The following NLRC4 variants were observed in gnomAD, a reference collection of about 807,000 sequenced individuals.
NLRC4 encodes NLR family CARD domain-containing protein 4.
In NLRC4, 63 loss-of-function variants were observed where a neutral mutation model predicts 79.9. That is an observed-to-expected ratio of 0.79 (90% CI 0.64 to 0.97). The LOEUF (loss-of-function observed/expected upper bound fraction) is 0.97, where lower values mean the gene tolerates loss of function less well. Ranked by LOEUF, NLRC4 falls within the 50% of genes least tolerant of loss-of-function variation. The pLI is 0.00. For synonymous variants in NLRC4, 461 were observed against 456.5 expected, an observed-to-expected ratio of 1.01 and a Z score of -0.12; for missense variants, 1,074 against 1,215.2, an observed-to-expected ratio of 0.88 and a Z score of 1.73.
At chr2:32,259,005 G>A (rs1487059279) in intron 1 of NLRC4, among the ~76,000 whole-genome samples, 3 of 152,128 alleles carry the variant, frequency 2.0e-5, no homozygotes, top group African/African-American at 4.8e-5. Context: ...AAACAAAATG[G>A]GAGCTATGTG....
chr2:32,251,650 C>G (rs1279157520), intron 3 of NLRC4, 49 bp from the exon 4 acceptor site: 9 of 1,293,280 alleles, frequency 7.0e-6, no homozygotes, highest in African/African-American at 3.0e-5. Flanking sequence ...TGTGTCTCCT[C>G]AAAACCTAGA....
intron 8 of NLRC4, 66 bp from the exon 9 acceptor site, chr2:32,224,831 T>A (rs1415546381): frequency 3.3e-6 from 3 of 918,120 alleles, no homozygotes; most frequent in Non-Finnish European, 3.2e-6. Context: ...AGAAATAGGT[T>A]CTACATTTAT....
intron 7 of NLRC4, 146 bp downstream of exon 7, chr2:32,236,101 T>C (rs1470220563): frequency 9.3e-6 from 5 of 539,604 alleles, no homozygotes; most frequent in Non-Finnish European, 1.6e-5. Flanking sequence ...AAGGGCAGTT[T>C]AAGAAAGGCC....
chr2:32,239,218 T>G (rs1188334909), intron 5 of NLRC4, among the ~76,000 whole-genome samples: 1 of 152,012 alleles, frequency 6.6e-6, no homozygotes, highest in Admixed American at 6.6e-5. Flanking sequence ...GAGGCAGAGG[T>G]TGCAGTGAGC....
At position 32,238,118 on chromosome 2, in the gene NLRC4, G is replaced by A; in HGVS notation, c.2521+14C>T. The A allele has an allele frequency of 6.2e-7, 1 of 1,607,016 alleles. No homozygotes were observed. The highest frequency in any genetic ancestry group is 8.5e-7 in the Non-Finnish European group (1 of 1,175,140). On this transcript the variant is annotated intron_variant, in intron 6 of 8. Transcript: ENST00000402280. ...TTATACTGTCCTCATTCAGTTAATG[G>A]AAGCAACAGTTACCTAGGATTTTCA...
intron 2 of NLRC4, among the ~76,000 whole-genome samples, chr2:32,254,098 A>G (rs1687149627): frequency 6.6e-6 from 1 of 151,926 alleles, no homozygotes; most frequent in Admixed American, 6.6e-5. Context: ...GGCCTATTTC[A>G]AGCTAACAGC....
chr2:32,225,372 C>A (rs1388977797), intron 8 of NLRC4, among the ~76,000 whole-genome samples: 1 of 149,720 alleles, frequency 6.7e-6, no homozygotes, highest in African/African-American at 2.5e-5. Flanking sequence ...CTTTCTGATA[C>A]ACAAAGAATG....
rs1558447050 is a variant in NLRC4, at chr2:32,233,188, GGAAGGA to G, written c.2782+2207_2782+2212del. On this transcript the variant is annotated intron_variant, in intron 8 of 8. Coordinates refer to ENST00000402280, the MANE Select transcript of NLRC4 (RefSeq NM_001199138.2). The stretch of plus-strand genomic sequence containing the variant: ...AGGAAGGAAGGAAGGAAGGAAGGAA[GGAAGGA>G]AGGGAGGGAGGGAAAGGAAGAAGGA... Among the ~76,000 whole-genome samples the G allele has an allele frequency of 1.4e-3, 124 of 90,964 alleles. 2 individuals carry two copies. Among genetic ancestry groups the G allele is most frequent in the Middle Eastern group, 4.7e-3 (1 of 214 alleles). The allele number at this position is 90,964 out of a possible 152,430, so 59.7% of individuals were successfully genotyped here.
Position 32,250,383 on chromosome 2 carries a change from G to C in NLRC4, c.1481C>G (p.Thr494Ser), listed in dbSNP as rs748922128. 11 of 1,614,190 alleles carry C rather than the reference G, an allele frequency of 6.8e-6. No individual in the cohort carries two copies. Among genetic ancestry groups the C allele is most frequent in the Non-Finnish European group, 9.3e-6 (11 of 1,180,032 alleles). The change falls in exon 4 of 9, where the codon ACC becomes AGC. Residue 494 changes from threonine to serine, a missense_variant. By Grantham distance (58) the Thr-to-Ser change is moderately conservative. Transcript: ENST00000402280. The surrounding 1 kb of genome is among the most constrained non-coding windows in gnomAD (Gnocchi z 4.9). ...TSTYSSLLRY[T>S]CGSSVEATRA... ...GGTGGCTTCCACAGATGACCCACAG[G>C]TGTACCGGAGCAGGCTGCTATAAGT... is the stretch of plus-strand genomic sequence containing the variant.
chr2:32,234,225 C>CA (rs999431770), intron 8 of NLRC4, among the ~76,000 whole-genome samples: 106 of 145,066 alleles, frequency 7.3e-4, no homozygotes, highest in African/African-American at 1.5e-3. Flanking sequence ...ACTAAAAATA[C>CA]AAAAAAAAAA....
In NLRC4 at chr2:32,251,593, G is replaced by C. The variant is rs1233211061; in HGVS notation, c.271C>G (p.His91Asp). 1.3e-6 allele frequency: 2 copies of C among 1,588,600 alleles called. No individual in the cohort carries two copies. The change falls in exon 4 of 9, where the codon CAT becomes GAT. Residue 91 changes from histidine (H) to aspartate (D), a missense_variant. Physicochemically the swap from His to Asp is moderately conservative, Grantham distance 81. Transcript: ENST00000402280. ...FQDLNGQSLF[H>D]QTSEGDLDDL... The stretch of plus-strand genomic sequence containing the variant: ...TCCAAGTCTCCTTCTGATGTCTGAT[G>C]AAAAAGACCTATTAGAGAAGAGGTG...
At chr2:32,258,291 C>G (rs1466917043) in intron 1 of NLRC4, among the ~76,000 whole-genome samples, 1 of 152,130 alleles carries the variant, frequency 6.6e-6, no homozygotes, top group Non-Finnish European at 1.5e-5. Context: ...CTTGTATGTT[C>G]TTCCGCCGAT....
intron 8 of NLRC4, among the ~76,000 whole-genome samples, chr2:32,233,494 T>C (rs1686602803): frequency 6.6e-6 from 1 of 151,666 alleles, no homozygotes; most frequent in Non-Finnish European, 1.5e-5. Flanking sequence ...ACCCAGCCTA[T>C]TTCAAGAAAT....
At position 32,224,486 on chromosome 2, in the gene NLRC4, A is replaced by G; in HGVS notation, c.3062T>C (p.Leu1021Pro). Residue 1021 changes from leucine to proline, a missense_variant, in exon 9 of 9, where the codon CTA becomes CCA. Leu to Pro is a moderately conservative substitution (Grantham distance 98). Coordinates refer to ENST00000402280, the MANE Select transcript of NLRC4 (RefSeq NM_001199138.2). The part of the protein sequence containing the change: ...DLSVITGAFK[L>P]VTA ...AGTACACTTTATTTAAGCAGTTACTAGTTTAAAAGCACCTGTAATAACACT... is the reference window on the plus strand; with the variant it reads ...AGTACACTTTATTTAAGCAGTTACTGGTTTAAAAGCACCTGTAATAACACT... 1 of 1,601,840 alleles carries G rather than the reference A, an allele frequency of 6.2e-7. No homozygotes were observed. Among genetic ancestry groups the G allele is most frequent in the East Asian group, 2.2e-5 (1 of 44,574 alleles).
chr2:32,243,458 A>G (rs1364693874), intron 4 of NLRC4, among the ~76,000 whole-genome samples: 1 of 152,086 alleles, frequency 6.6e-6, no homozygotes, highest in African/African-American at 2.4e-5. Context: ...ATTCATGAAT[A>G]CAGAATCAAA....
chr2:32,255,571 C>T (rs978222225), intron 2 of NLRC4, among the ~76,000 whole-genome samples: 4 of 151,132 alleles, frequency 2.6e-5, no homozygotes, highest in Admixed American at 1.3e-4. Flanking sequence ...GCTTAGAGAC[C>T]CACACACACA....
At chr2:32,230,559 C>T (rs1686510092) in intron 8 of NLRC4, among the ~76,000 whole-genome samples, 2 of 151,772 alleles carry the variant, frequency 1.3e-5, no homozygotes, top group South Asian at 4.2e-4. Context: ...GCAGCCTCCA[C>T]CTTCTCGGTT....
intron 4 of NLRC4, among the ~76,000 whole-genome samples, chr2:32,241,353 CAG>C (rs1459950434): frequency 7.0e-6 from 1 of 142,274 alleles, no homozygotes; most frequent in Non-Finnish European, 1.5e-5. Context: ...TCCCAGATAA[CAG>C]GGAAAAAAAT....
Position 32,259,262 on chromosome 2 carries a change from A to ATTTTTTTTTTTTTTTTTT in NLRC4, c.-118-2387_-118-2370dup, listed in dbSNP as rs57570626. On this transcript the variant is annotated intron_variant, in intron 1 of 8. Coordinates refer to ENST00000402280, the MANE Select transcript of NLRC4 (RefSeq NM_001199138.2). ...AGGTGTGTGCCACCATGCCTGGCTA[A>ATTTTTTTTTTTTTTTTTT]TTTTTTTTTTTTTTTTTTTTTTTTT... Among the ~76,000 whole-genome samples, 174 of 52,890 alleles carry ATTTTTTTTTTTTTTTTTT rather than the reference A, an allele frequency of 3.3e-3. 27 individuals carry two copies. Among genetic ancestry groups the ATTTTTTTTTTTTTTTTTT allele is most frequent in the African/African-American group, 7.9e-3 (84 of 10,698 alleles). The allele number at this position is 52,890 out of a possible 152,430, so 34.7% of individuals were successfully genotyped here.
Sources: gnomAD v4.1 joint callset for allele counts (sites outside exome capture counted in the v4.1 genomes callset) on GRCh38, gnomAD v4.1.1 for gene constraint, Gnocchi (gnomAD v3.1) non-coding constraint, MANE v1.5 for transcripts, NCBI Gene and HGNC (gene_info 2026-07-23, HGNC 2026-07-21) for gene names.